Variants in DPY19L1 observed in about 807,000 individuals in gnomAD.
DPY19L1 encodes protein C-mannosyl-transferase DPY19L1.
Under a neutral mutation model 96.9 loss-of-function variants are expected in DPY19L1, and 35 were observed. That is an observed-to-expected ratio of 0.36 (90% CI 0.28 to 0.48). The LOEUF (loss-of-function observed/expected upper bound fraction) is 0.48, where lower values mean the gene tolerates loss of function less well. Ranked by LOEUF, DPY19L1 falls within the 20% of genes least tolerant of loss-of-function variation. DPY19L1 has a pLI of 0.99. For missense variants in DPY19L1, 521 were observed against 777.9 expected, an observed-to-expected ratio of 0.67 and a Z score of 3.93; for synonymous variants, 205 against 252.6, an observed-to-expected ratio of 0.81 and a Z score of 1.79.
At chr7:34,992,194 C>A (rs904601587) in intron 6 of DPY19L1, among the ~76,000 whole-genome samples, 1 of 152,130 alleles carries the variant, frequency 6.6e-6, no homozygotes, top group Non-Finnish European at 1.5e-5. Context: ...GGTGAAAACC[C>A]TTTTCTCACT....
intron 10 of DPY19L1, among the ~76,000 whole-genome samples, chr7:34,959,556 C>T (rs1266045831): frequency 6.6e-6 from 1 of 151,996 alleles, no homozygotes; most frequent in Non-Finnish European, 1.5e-5. Flanking sequence ...GAGTTCATGT[C>T]CTTTGCAGGG....
At chr7:34,961,962 G>C (rs1784509730) in intron 10 of DPY19L1, among the ~76,000 whole-genome samples, 1 of 152,158 alleles carries the variant, frequency 6.6e-6, no homozygotes, top group Non-Finnish European at 1.5e-5. Flanking sequence ...TGCTGACAAG[G>C]ATGTGGAGCA....
At chr7:35,036,805 T>A (rs566787786) in intron 1 of DPY19L1, among the ~76,000 whole-genome samples, 1 of 151,922 alleles carries the variant, frequency 6.6e-6, no homozygotes, top group Admixed American at 6.5e-5. Flanking sequence ...GCAGACCTGC[T>A]GCCCGCGGCC....
intron 7 of DPY19L1, among the ~76,000 whole-genome samples, chr7:34,989,097 T>A (rs1785109167): frequency 6.6e-6 from 1 of 152,068 alleles, no homozygotes; most frequent in Non-Finnish European, 1.5e-5. Flanking sequence ...GGATCCAGAG[T>A]CTATATTTTT....
At chr7:34,983,037 T>C (rs1015981765) in intron 7 of DPY19L1, among the ~76,000 whole-genome samples, 1 of 152,348 alleles carries the variant, frequency 6.6e-6, no homozygotes, top group East Asian at 1.9e-4. Context: ...GAAATCACTG[T>C]AATTCATTTG....
intron 1 of DPY19L1, among the ~76,000 whole-genome samples, chr7:35,022,972 G>A (rs571560334): frequency 3.3e-5 from 5 of 152,208 alleles, no homozygotes; most frequent in East Asian, 1.9e-4. Context: ...GTCCCCAGCC[G>A]GCCTGCTCCC....
chr7:35,020,155 T>A (rs56211422), intron 1 of DPY19L1, among the ~76,000 whole-genome samples: 138 of 152,244 alleles, frequency 9.1e-4, no homozygotes, highest in African/African-American at 2.7e-3. Context: ...ATAATAATAA[T>A]CCTAACATAA....
At chr7:34,931,844 G>A in intron 21 of DPY19L1, 115 bp from the exon 22 acceptor site, 1 of 1,394,944 alleles carries the variant, frequency 7.2e-7, no homozygotes, top group Admixed American at 3.1e-5. Flanking sequence ...AATTACTTTA[G>A]TTTTTAAACA....
chr7:34,983,630 C>T (rs1341976446), intron 7 of DPY19L1, among the ~76,000 whole-genome samples: 2 of 151,038 alleles, frequency 1.3e-5, no homozygotes, highest in Non-Finnish European at 2.9e-5. Context: ...GCACCGCCAA[C>T]TCCTATACAT....
In DPY19L1 at chr7:34,937,940, T is replaced by A. The variant is rs1042143896; in HGVS notation, c.2090+54A>T. The A allele has an allele frequency of 8.9e-6, 14 of 1,581,054 alleles. No homozygotes were observed. The African/African-American group carries it at 1.2e-4, about 14-fold the overall frequency. On this transcript the variant is annotated intron_variant, in intron 21 of 21. Transcript: ENST00000638088. Reference sequence around the variant, plus strand: ...ACCAGCAAAGCATGTGCCATGTGCTTGAATTAACCTTCATGTCTTATGATT... The same window carrying A: ...ACCAGCAAAGCATGTGCCATGTGCTAGAATTAACCTTCATGTCTTATGATT...
chr7:34,964,008 G>C (rs1325506899), intron 10 of DPY19L1, among the ~76,000 whole-genome samples: 1 of 152,120 alleles, frequency 6.6e-6, no homozygotes, highest in East Asian at 1.9e-4. Flanking sequence ...GAAATAGGTG[G>C]TGGTGATGGT....
intron 8 of DPY19L1, among the ~76,000 whole-genome samples, chr7:34,973,079 A>G (rs572739407): frequency 6.6e-6 from 1 of 152,256 alleles, no homozygotes; most frequent in East Asian, 1.9e-4. Flanking sequence ...CTCTGGAGCA[A>G]GGCAGCTATA....
chr7:34,966,760 T>C, intron 10 of DPY19L1, 134 bp downstream of exon 10: 1 of 870,458 alleles, frequency 1.1e-6, no homozygotes, highest in South Asian at 1.9e-5. Context: ...GTCTGTTGAT[T>C]ATATCACAAT....
intron 6 of DPY19L1, among the ~76,000 whole-genome samples, chr7:35,002,359 T>C (rs1299989166): frequency 6.6e-6 from 1 of 151,482 alleles, no homozygotes; most frequent in African/African-American, 2.4e-5. Flanking sequence ...AAAAACTCAG[T>C]AGAAGGTTGG....
intron 3 of DPY19L1, among the ~76,000 whole-genome samples, chr7:35,017,666 C>T (rs1008334665): frequency 1.2e-4 from 18 of 150,860 alleles, no homozygotes; most frequent in African/African-American, 2.9e-4. Flanking sequence ...AGCGAGACTC[C>T]GTCTCGAAAA....
intron 8 of DPY19L1, among the ~76,000 whole-genome samples, chr7:34,970,509 CTTTT>C (rs1247474427): frequency 1.3e-5 from 2 of 152,218 alleles, no homozygotes; most frequent in African/African-American, 4.8e-5. Flanking sequence ...TTCTGTGAAA[CTTTT>C]GTTTCAGCTG....
At chr7:34,979,368 T>C (rs1158174535) in intron 7 of DPY19L1, among the ~76,000 whole-genome samples, 1 of 152,112 alleles carries the variant, frequency 6.6e-6, no homozygotes, top group African/African-American at 2.4e-5. Flanking sequence ...AACCAAGATA[T>C]ATAGGCAATA....
Position 34,959,899 on chromosome 7 carries a change from AT to A in DPY19L1, c.1093-1830del, listed in dbSNP as rs1562806831. On this transcript the variant is annotated intron_variant, in intron 10 of 21. Coordinates refer to ENST00000638088, the MANE Select transcript of DPY19L1 (RefSeq NM_001366673.1). ...AATATATATGTTTATTTGTATATAA[AT>A]ATATATATATATATATATATATATT... 6.4e-4 allele frequency among the ~76,000 whole-genome samples: 22 copies of A among 34,412 alleles called. No homozygotes were observed. In the Middle Eastern group the frequency reaches 0.041, roughly 63 times the overall value. The allele number at this position is 34,412 out of a possible 152,430, so 22.6% of individuals were successfully genotyped here.
chr7:34,947,525 A>G, intron 15 of DPY19L1, 105 bp downstream of exon 15: 1 of 859,602 alleles, frequency 1.2e-6, no homozygotes, highest in East Asian at 2.7e-5. Context: ...CAGTAAGCCC[A>G]TACAAAACGT....
Sources: gnomAD v4.1 joint callset for allele counts (sites outside exome capture counted in the v4.1 genomes callset) on GRCh38, gnomAD v4.1.1 for gene constraint, MANE v1.5 for transcripts, NCBI Gene and HGNC (gene_info 2026-07-23, HGNC 2026-07-21) for gene names.